PUS7L: variants seen among roughly 807,000 people sequenced by gnomAD.
PUS7L encodes pseudouridine synthase 7 like.
Under a neutral mutation model 51.1 loss-of-function variants are expected in PUS7L, and 49 were observed. The observed-to-expected ratio is 0.96, with a 90% confidence interval of 0.76 to 1.22. PUS7L has a LOEUF of 1.22. PUS7L is among the 50% of genes most tolerant of loss of function. The pLI is 0.00. For missense variants in PUS7L, 828 were observed against 820.6 expected (o/e 1.01, Z -0.11); for synonymous variants, 277 against 276.2 (o/e 1.00, Z -0.03).
Position 43,755,014 on chromosome 12 carries a change from G to C in PUS7L, c.232C>G (p.Leu78Val), listed in dbSNP as rs776919496. Residue 78 changes from leucine (L) to valine (V), a missense_variant, in exon 2 of 9, where the codon CTG becomes GTG. Transcript: ENST00000344862. ...TGGTTTCTTCCATCTTCTAAGGACA[G>C]ATTTTGAAGATCTAGTTTTGGTTTT... ...PKKPKLDLQN[L>V]SLEDGRNQEV... is the part of the protein sequence containing the mutation. The C allele has an allele frequency of 6.8e-6, 11 of 1,613,030 alleles. No individual in the cohort carries two copies. The highest frequency in any genetic ancestry group is 9.3e-6 in the Non-Finnish European group (11 of 1,179,516).
chr12:43,755,412 T>C (rs541991698), intron 1 of PUS7L, among the ~76,000 whole-genome samples, 151 bp from the exon 2 acceptor site: 1 of 152,326 alleles, frequency 6.6e-6, no homozygotes, highest in African/African-American at 2.4e-5. Context: ...TATAACTATA[T>C]GTACTTCCTG....
Position 43,730,540 on chromosome 12 carries a change from G to A in PUS7L, c.1942C>T (p.Pro648Ser), listed in dbSNP as rs368273846. 3.7e-6 allele frequency: 6 copies of A among 1,613,686 alleles called. No homozygotes were observed. The African/African-American group carries it at 8.0e-5, about 22-fold the overall frequency. Reference sequence around the variant, plus strand: ...ATTAGTTGGTATGAGAGATTACAGGGATGTTTCAAAATCTGTCTATAGCAA... The same window carrying A: ...ATTAGTTGGTATGAGAGATTACAGGAATGTTTCAAAATCTGTCTATAGCAA... ...PGCYRQILKH[P>S]CNLSYQLMED... is the part of the protein sequence containing the mutation. Residue 648 changes from proline (P) to serine (S), a missense_variant, in exon 9 of 9, where the codon CCC becomes TCC. Transcript: ENST00000344862.
intron 3 of PUS7L, among the ~76,000 whole-genome samples, chr12:43,747,688 C>T (rs1321702881): frequency 2.6e-5 from 4 of 151,700 alleles, no homozygotes; most frequent in Non-Finnish European, 4.4e-5. Flanking sequence ...GGCAAAAATC[C>T]GTCTCAAAAA....
At position 43,721,787 on chromosome 12, in the gene PUS7L, A is replaced by G. The variant is rs1944400113; in HGVS notation, c.*8589T>C. On this transcript the variant is annotated 3_prime_UTR_variant, in exon 9 of 9. Coordinates refer to ENST00000344862, the MANE Select transcript of PUS7L (RefSeq NM_031292.5). ...GGTGTATAACATGGGAACATTTGCT[A>G]TTAGGCTGAGCATCTCTAATCTGAA... 6.6e-6 allele frequency: 1 copy of G among 152,144 alleles called. No individual in the cohort carries two copies. Among genetic ancestry groups the G allele is most frequent in the Admixed American group, 6.5e-5 (1 of 15,272 alleles). 9.4% of individuals were successfully genotyped at this position (152,144 alleles called of 1,614,324 possible).
intron 7 of PUS7L, among the ~76,000 whole-genome samples, chr12:43,735,021 A>G (rs1457018492): frequency 6.6e-6 from 1 of 152,210 alleles, no homozygotes; most frequent in African/African-American, 2.4e-5. Context: ...CACAGAGATA[A>G]AAACAACTGG....
In PUS7L at chr12:43,731,712, A is replaced by G; in HGVS notation, c.1772T>C (p.Ile591Thr). Reference sequence around the variant, plus strand: ...ATTTTTAAGCAAATTTACCTGATGTATTGCATACATATTAGCTGATCCCTC... The same window carrying G: ...ATTTTTAAGCAAATTTACCTGATGTGTTGCATACATATTAGCTGATCCCTC... Reference protein sequence around the residue: ...EEEGSANMYAIHQVVLPVLGY... With the variant: ...EEEGSANMYATHQVVLPVLGY... Residue 591 changes from isoleucine (I) to threonine (T), a missense_variant, in exon 8 of 9, where the codon ATA becomes ACA. By Grantham distance (89) the Ile-to-Thr change is moderately conservative. Transcript: ENST00000344862. 2 of 1,572,646 alleles carry G rather than the reference A, an allele frequency of 1.3e-6. No homozygotes were observed. Among genetic ancestry groups the G allele is most frequent in the Non-Finnish European group, 1.7e-6 (2 of 1,147,828 alleles).
In PUS7L at chr12:43,729,127, C is replaced by A. The variant is rs1348903161; in HGVS notation, c.*1249G>T. 2 of 396,244 alleles carry A rather than the reference C, an allele frequency of 5.0e-6. No individual in the cohort carries two copies. The highest frequency in any genetic ancestry group is 8.9e-6 in the Non-Finnish European group (2 of 224,534). The allele number at this position is 396,244 out of a possible 1,614,324, so 24.5% of individuals were successfully genotyped here. A position where few individuals can be genotyped will look rare whatever the true frequency, so the allele number is the denominator to read the frequency against. The stretch of plus-strand genomic sequence containing the variant: ...TTTTTTAAATAACTACATATTTTAC[C>A]ATCAAGTTGATACACATCATTTTAC... On this transcript the variant is annotated 3_prime_UTR_variant, in exon 9 of 9. Transcript: ENST00000344862.
At chr12:43,732,944 T>C (rs905260005) in intron 7 of PUS7L, among the ~76,000 whole-genome samples, 1 of 152,238 alleles carries the variant, frequency 6.6e-6, no homozygotes, top group African/African-American at 2.4e-5. Context: ...CTAGCCTTTT[T>C]TCTTTCACAG....
intron 7 of PUS7L, among the ~76,000 whole-genome samples, chr12:43,736,161 A>G (rs1264243489): frequency 3.9e-5 from 6 of 152,170 alleles, no homozygotes; most frequent in Non-Finnish European, 5.9e-5. Context: ...TACTACCTAT[A>G]TATCTTTCAC....
intron 6 of PUS7L, 26 bp downstream of exon 6, chr12:43,738,284 T>G: frequency 8.7e-7 from 1 of 1,143,550 alleles, no homozygotes; most frequent in Non-Finnish European, 1.3e-6. Context: ...TGCATGGTTA[T>G]GTACAGGATA....
At chr12:43,749,426 G>A (rs533025135) in intron 2 of PUS7L, among the ~76,000 whole-genome samples, 34 of 152,320 alleles carry the variant, frequency 2.2e-4, no homozygotes, top group African/African-American at 7.9e-4. Context: ...GATCATGCCT[G>A]TAATCTCGGC....
In PUS7L at chr12:43,758,655, C is replaced by CT; in HGVS notation, c.-17+74_-17+75insA. 1.5e-5 allele frequency: 4 copies of CT among 260,490 alleles called. No individual in the cohort carries two copies. In the South Asian group the frequency reaches 8.0e-4, roughly 52 times the overall value. 16.1% of individuals were successfully genotyped at this position (260,490 alleles called of 1,614,324 possible). On this transcript the variant is annotated intron_variant, in intron 1 of 8. Coordinates refer to ENST00000344862, the MANE Select transcript of PUS7L (RefSeq NM_031292.5). ...TGGATCCTCAATGCCAACCTCGTCA[C>CT]CCCCCCCCCCCACACACACACACAC... is the stretch of plus-strand genomic sequence containing the variant.
At chr12:43,744,906 C>T (rs1044572949) in intron 4 of PUS7L, among the ~76,000 whole-genome samples, 6 of 152,108 alleles carry the variant, frequency 3.9e-5, no homozygotes, top group African/African-American at 1.4e-4. Flanking sequence ...GAGTAGATAT[C>T]AATGGGTGAA....
chr12:43,719,488 A>G lies in PUS7L; in HGVS notation c.*10888T>C, dbSNP rs546228095. The G allele has an allele frequency of 3.9e-5, 6 of 152,008 alleles. No homozygotes were observed. The highest frequency in any genetic ancestry group is 9.7e-5 in the African/African-American group (4 of 41,286). The allele number at this position is 152,008 out of a possible 1,614,324, so 9.4% of individuals were successfully genotyped here. ...TAGGTGTGGTCTCATAAAGTAAGAA[A>G]CAGGTGGGGGGACTCTTCTTTATTT... is the stretch of plus-strand genomic sequence containing the variant. On this transcript the variant is annotated 3_prime_UTR_variant, in exon 9 of 9. Transcript: ENST00000344862.
chr12:43,745,092 G>A (rs750795529), intron 4 of PUS7L, among the ~76,000 whole-genome samples: 4 of 151,754 alleles, frequency 2.6e-5, no homozygotes, highest in African/African-American at 4.9e-5. Context: ...TACAATGGCA[G>A]TAGATTAGTT....
intron 4 of PUS7L, 127 bp from the exon 5 acceptor site, chr12:43,742,682 A>G (rs947710181): frequency 1.1e-5 from 14 of 1,307,228 alleles, no homozygotes; most frequent in Middle Eastern, 5.3e-4. Flanking sequence ...GTATACACAT[A>G]GGGACCAAAT....
chr12:43,736,731 C>T, intron 6 of PUS7L, 70 bp from the exon 7 acceptor site: 2 of 1,417,588 alleles, frequency 1.4e-6, no homozygotes, highest in South Asian at 2.6e-5. Context: ...GGCTTTTGTT[C>T]TAATCTCAAA....
Position 43,725,552 on chromosome 12 carries a change from C to G in PUS7L, c.*4824G>C, listed in dbSNP as rs1005105686. The G allele has an allele frequency of 6.6e-6, 1 of 151,748 alleles. No individual in the cohort carries two copies. Among genetic ancestry groups the G allele is most frequent in the South Asian group, 2.1e-4 (1 of 4,812 alleles). 9.4% of individuals were successfully genotyped at this position (151,748 alleles called of 1,614,324 possible). On this transcript the variant is annotated 3_prime_UTR_variant, in exon 9 of 9. Coordinates refer to ENST00000344862, the MANE Select transcript of PUS7L (RefSeq NM_031292.5). ...AGCCTCAGCCTCCCAAGTAGCCCAG[C>G]TAATTTTTTTATTTTTAGTAGAGAC...
intron 2 of PUS7L, among the ~76,000 whole-genome samples, chr12:43,748,980 C>T (rs1434346772): frequency 6.6e-6 from 1 of 152,200 alleles, no homozygotes; most frequent in Admixed American, 6.5e-5. Context: ...CCTCGGCCTC[C>T]CAAAGTGCTG....
Sources: gnomAD v4.1 joint callset for allele counts (sites outside exome capture counted in the v4.1 genomes callset) on GRCh38, gnomAD v4.1.1 for gene constraint, MANE v1.5 for transcripts, NCBI Gene and HGNC (gene_info 2026-07-23, HGNC 2026-07-21) for gene names.